TBX20: variants seen among roughly 807,000 people sequenced by gnomAD.
TBX20 encodes the protein T-box transcription factor TBX20.
Under a neutral mutation model 42.9 loss-of-function variants are expected in TBX20, and 8 were observed. The ratio of observed to expected loss-of-function variants is 0.19; its 90% CI spans 0.11 to 0.34. The LOEUF is 0.34. Among genes scored for constraint, TBX20 ranks in the 10% least tolerant of loss-of-function variants. TBX20 has a pLI of 1.00. For missense variants in TBX20, 411 were observed against 566.0 expected (o/e 0.73, Z 2.78); for synonymous variants, 198 against 222.8 (o/e 0.89, Z 0.99).
rs142399794 is a variant in TBX20, at chr7:35,248,752, T to C, written c.470A>G (p.Asn157Ser). The C allele has an allele frequency of 1.5e-5, 24 of 1,614,072 alleles. No homozygotes were observed. Among genetic ancestry groups the C allele is most frequent in the Non-Finnish European group, 1.9e-5 (23 of 1,180,052 alleles). Residue 157 changes from asparagine (N) to serine (S), a missense_variant, in exon 3 of 8, where the codon AAC (asparagine) becomes AGC (serine). Transcript: ENST00000408931. ...IVLMDIVPVD[N>S]KRYRYAYHRS... ...GTGGTAGGCGTAGCGGTACCTCTTG[T>C]TGTCCACAGGGACGATGTCCATCAG...
intron 6 of TBX20, among the ~76,000 whole-genome samples, chr7:35,223,719 G>C (rs905344294): frequency 2.2e-4 from 33 of 152,300 alleles, no homozygotes; most frequent in African/African-American, 7.9e-4. Context: ...GGGTGGACTA[G>C]AGGGTAGTGG....
At chr7:35,229,022 C>T (rs1167833118) in intron 6 of TBX20, among the ~76,000 whole-genome samples, 1 of 152,108 alleles carries the variant, frequency 6.6e-6, no homozygotes, top group African/African-American at 2.4e-5. Flanking sequence ...GCTCGTGTAG[C>T]TGTAGAAGGA....
At chr7:35,241,160 T>C in intron 4 of TBX20, 123 bp from the exon 5 acceptor site, 1 of 780,814 alleles carries the variant, frequency 1.3e-6, no homozygotes. Context: ...AAGATATGGA[T>C]CTACCCTTTC....
At chr7:35,220,500 C>T (rs1238384123) in intron 6 of TBX20, among the ~76,000 whole-genome samples, 3 of 152,198 alleles carry the variant, frequency 2.0e-5, no homozygotes, top group Non-Finnish European at 4.4e-5. Context: ...GGTCAACACT[C>T]CTTTTTCAGA....
intron 5 of TBX20, among the ~76,000 whole-genome samples, chr7:35,238,093 A>T (rs539475773): frequency 3.8e-4 from 58 of 152,268 alleles, no homozygotes; most frequent in African/African-American, 1.4e-3. Context: ...TGCCTCAATT[A>T]CCCCAACTGT....
intron 6 of TBX20, among the ~76,000 whole-genome samples, chr7:35,213,634 T>C (rs1186132519): frequency 2.6e-5 from 4 of 152,050 alleles, no homozygotes; most frequent in African/African-American, 9.7e-5. Context: ...ATCAATGTAA[T>C]TTATGTATGG....
At chr7:35,212,309 G>T (rs1010009581) in intron 6 of TBX20, among the ~76,000 whole-genome samples, 2 of 151,952 alleles carry the variant, frequency 1.3e-5, no homozygotes, top group African/African-American at 2.4e-5. Flanking sequence ...TTAATTTCTG[G>T]AATGTATGGA....
rs780977939 is a variant in TBX20, at chr7:35,202,575, G to A, written c.1199C>T (p.Ser400Leu). The stretch of plus-strand genomic sequence containing the variant: ...CCCTTGCATGGAGCTGGCAATGGCC[G>A]ATGGTGTCAGAGGCATTCCCAGTCG... ...YSRLGMPLTP[S>L]AIASSMQGSG... The change falls in exon 8 of 8, where the codon TCG becomes TTG. Residue 400 changes from serine (S) to leucine (L), a missense_variant. Physicochemically the swap from Ser to Leu is moderately radical, Grantham distance 145. Around this residue, in one of 5 missense-constraint regions of TBX20, gnomAD observed 162 missense variants for 205.4 expected, o/e 0.79. Coordinates refer to ENST00000408931, the MANE Select transcript of TBX20 (RefSeq NM_001077653.2). The A allele has an allele frequency of 8.7e-6, 14 of 1,613,964 alleles. No homozygotes were observed. The highest frequency in any genetic ancestry group is 3.3e-5 in the South Asian group (3 of 91,080).
rs540364564 is a variant in TBX20, at chr7:35,226,246, CAG to C, written c.890+5256_890+5257del. Among the ~76,000 whole-genome samples the C allele has an allele frequency of 1.6e-4, 24 of 151,890 alleles. No individual in the cohort carries two copies. In the South Asian group the frequency reaches 5.0e-3, roughly 32 times the overall value. ...GATAGAAATCAAAGAACGAGAGCAA[CAG>C]ATTTGGTGATAAAACCATCTATGTA... On this transcript the variant is annotated intron_variant, in intron 6 of 7. Coordinates refer to ENST00000408931, the MANE Select transcript of TBX20 (RefSeq NM_001077653.2).
At chr7:35,225,616 G>A (rs2128712700) in intron 6 of TBX20, among the ~76,000 whole-genome samples, 1 of 152,296 alleles carries the variant, frequency 6.6e-6, no homozygotes, top group Middle Eastern at 3.4e-3. Flanking sequence ...ACATAACACA[G>A]GAGATTTCAG....
intron 7 of TBX20, among the ~76,000 whole-genome samples, chr7:35,203,170 CA>C (rs1253080795): frequency 3.9e-5 from 6 of 152,126 alleles, no homozygotes; most frequent in African/African-American, 1.4e-4. Context: ...GTCTGGTTTC[CA>C]AAACTGTTGT....
rs1356932911 is a variant in TBX20 at position 35,253,849 on chromosome 7, G to A, written c.-229C>T. 2 of 567,820 alleles carry A rather than the reference G, an allele frequency of 3.5e-6. No individual in the cohort carries two copies. The highest frequency in any genetic ancestry group is 3.8e-5 in the African/African-American group (2 of 52,984). The allele number at this position is 567,820 out of a possible 1,614,324, so 35.2% of individuals were successfully genotyped here. A position where few individuals can be genotyped will look rare whatever the true frequency, so the allele number is the denominator to read the frequency against. On this transcript the variant is annotated 5_prime_UTR_variant, in exon 1 of 8. Transcript: ENST00000408931. ...AGACTTCGAAGGCAGCCGGAGAGGA[G>A]AGGGCCCACCGAGCACTACGGCGGG...
rs572199958 is a variant in TBX20 at position 35,202,529 on chromosome 7, T to C, written c.1245A>G (p.Ser415=). 2.5e-6 allele frequency: 4 copies of C among 1,613,548 alleles called. No homozygotes were observed. The highest frequency in any genetic ancestry group is 1.1e-5 in the South Asian group (1 of 90,852). The part of the protein sequence containing the change: ...SMQGSGPTFP[S]FHMPRYHHYF... ...AGTGATGGTATCGCGGCATGTGGAA[T>C]GAAGGGAATGTGGGGCCACTCCCTT... is the stretch of plus-strand genomic sequence containing the variant. Residue 415 remains serine (S), a synonymous_variant, in exon 8 of 8, where the codon TCA becomes TCG. Transcript: ENST00000408931.
At chr7:35,250,819 G>A (rs191880128) in intron 1 of TBX20, among the ~76,000 whole-genome samples, 96 of 152,336 alleles carry the variant, frequency 6.3e-4, no homozygotes, top group African/African-American at 2.2e-3. Flanking sequence ...TTTATGATGA[G>A]AGTTAGAACA....
At chr7:35,224,448 G>A (rs189345946) in intron 6 of TBX20, among the ~76,000 whole-genome samples, 249 of 152,308 alleles carry the variant, frequency 1.6e-3, no homozygotes, top group African/African-American at 5.7e-3. Flanking sequence ...CGAGGCAGGC[G>A]GATGACCTGA....
At chr7:35,237,288 G>T (rs1789984507) in intron 5 of TBX20, among the ~76,000 whole-genome samples, 2 of 151,550 alleles carry the variant, frequency 1.3e-5, no homozygotes, top group Non-Finnish European at 2.9e-5. Flanking sequence ...TAAATTAAAA[G>T]TAATAAATCC....
chr7:35,209,707 T>C (rs1789460812), intron 6 of TBX20, among the ~76,000 whole-genome samples: 1 of 152,224 alleles, frequency 6.6e-6, no homozygotes, highest in Non-Finnish European at 1.5e-5. Context: ...GCTTTGGGTC[T>C]CATTCACTAT....
At chr7:35,222,977 G>A (rs1217953058) in intron 6 of TBX20, among the ~76,000 whole-genome samples, 1 of 152,212 alleles carries the variant, frequency 6.6e-6, no homozygotes, top group Non-Finnish European at 1.5e-5. Flanking sequence ...GCCAATAAGA[G>A]TGGAGGCAGA....
At position 35,253,565 on chromosome 7, in the gene TBX20, G is replaced by C; in HGVS notation, c.56C>G (p.Ser19Cys). The change falls in exon 1 of 8, where the codon TCC (serine) becomes TGC (cysteine). Residue 19 changes from serine to cysteine, a missense_variant. Coordinates refer to ENST00000408931, the MANE Select transcript of TBX20 (RefSeq NM_001077653.2). ...PQLSSRANAFSIAALMSSGGS... is the reference protein window; with the variant it reads ...PQLSSRANAFCIAALMSSGGS... ...GCCGCTCGACATGAGCGCGGCAATG[G>C]AGAAGGCGTTGGCCCGAGAGGAGAG... 2.5e-6 allele frequency: 4 copies of C among 1,612,884 alleles called. No individual in the cohort carries two copies. Among genetic ancestry groups the C allele is most frequent in the Non-Finnish European group, 3.4e-6 (4 of 1,180,036 alleles).
Sources: allele counts gnomAD v4.1 joint callset (sites outside exome capture counted in the v4.1 genomes callset), GRCh38; gene constraint gnomAD v4.1.1; regional missense constraint gnomAD v4.1.1; transcripts MANE v1.5; gene names NCBI Gene and HGNC (gene_info 2026-07-23, HGNC 2026-07-21).